The following SORCS1 variants were observed in gnomAD, a reference collection of about 807,000 sequenced individuals.
SORCS1 encodes the protein sortilin related VPS10 domain containing receptor 1, also known as VPS10 domain-containing receptor SorCS1.
In SORCS1, 60 loss-of-function variants were observed where a neutral mutation model predicts 146.1. The ratio of observed to expected loss-of-function variants is 0.41; its 90% CI spans 0.33 to 0.51. The LOEUF (loss-of-function observed/expected upper bound fraction) is 0.51. SORCS1 is among the 20% of genes least tolerant of loss of function. The pLI is 0.21. For missense variants in SORCS1, 1,352 were observed against 1,487.6 expected (o/e 0.91, Z 1.50); for synonymous variants, 637 against 584.0 (o/e 1.09, Z -1.31).
At chr10:106,940,273 A>G (rs1441334873) in intron 2 of SORCS1, among the ~76,000 whole-genome samples, 1 of 152,248 alleles carries the variant, frequency 6.6e-6, no homozygotes, top group African/African-American at 2.4e-5. Context: ...GACATGCTTT[A>G]TATGAATTAA....
chr10:107,146,382 T>C (rs1968325743), intron 1 of SORCS1, among the ~76,000 whole-genome samples: 2 of 152,196 alleles, frequency 1.3e-5, no homozygotes, highest in Admixed American at 1.3e-4. Context: ...TCTAAATGTT[T>C]TCAATTAACT....
chr10:106,930,616 G>A (rs962867124), intron 2 of SORCS1, among the ~76,000 whole-genome samples: 6 of 152,292 alleles, frequency 3.9e-5, no homozygotes, highest in African/African-American at 1.4e-4. Context: ...CACCAACACA[G>A]GAGGGCTTTA....
chr10:106,768,568 T>A (rs893255158), intron 4 of SORCS1, among the ~76,000 whole-genome samples: 5 of 152,216 alleles, frequency 3.3e-5, no homozygotes, highest in Non-Finnish European at 7.3e-5. Context: ...ATTTAATGGT[T>A]TTCTATTGTT....
At chr10:106,874,546 T>C (rs928173575) in intron 2 of SORCS1, among the ~76,000 whole-genome samples, 9 of 152,246 alleles carry the variant, frequency 5.9e-5, no homozygotes, top group African/African-American at 1.9e-4. Flanking sequence ...CCAATCTGAC[T>C]GTTGACATTT....
chr10:107,003,289 A>G (rs537794001), intron 1 of SORCS1, among the ~76,000 whole-genome samples: 1 of 152,264 alleles, frequency 6.6e-6, no homozygotes, highest in Admixed American at 6.5e-5. Context: ...TACAATAGGT[A>G]CTTAGCAGCA....
At chr10:107,151,091 A>C (rs1203661069) in intron 1 of SORCS1, among the ~76,000 whole-genome samples, 1 of 152,206 alleles carries the variant, frequency 6.6e-6, no homozygotes, top group East Asian at 1.9e-4. Flanking sequence ...GCTCAGAAGA[A>C]GACAGGAGGA....
chr10:106,818,930 GC>G (rs1348504904), intron 3 of SORCS1, among the ~76,000 whole-genome samples: 1 of 152,172 alleles, frequency 6.6e-6, no homozygotes, highest in African/African-American at 2.4e-5. Context: ...TAAGTACTGT[GC>G]TGTAAGAGAT....
intron 1 of SORCS1, among the ~76,000 whole-genome samples, chr10:106,971,670 T>C (rs1955791899): frequency 6.6e-6 from 1 of 152,214 alleles, no homozygotes; most frequent in African/African-American, 2.4e-5. Context: ...ATCCAAAGGT[T>C]TATTGATTTT....
intron 2 of SORCS1, among the ~76,000 whole-genome samples, chr10:106,881,494 A>C (rs1356884741): frequency 6.6e-6 from 1 of 152,208 alleles, no homozygotes; most frequent in African/African-American, 2.4e-5. Flanking sequence ...AAAAGCTTGC[A>C]TCCCATTATT....
intron 2 of SORCS1, among the ~76,000 whole-genome samples, chr10:106,913,827 T>C (rs1952281203): frequency 6.6e-6 from 1 of 152,232 alleles, no homozygotes; most frequent in Non-Finnish European, 1.5e-5. Context: ...ACTGGGCATC[T>C]GAGGGACAGG....
chr10:106,893,054 C>A (rs1159598114), intron 2 of SORCS1, among the ~76,000 whole-genome samples: 2 of 151,796 alleles, frequency 1.3e-5, no homozygotes, highest in Non-Finnish European at 2.9e-5. Context: ...GCCACCACGC[C>A]CAGCTAGTTT....
At chr10:106,634,553 T>C (rs1348204091) in intron 18 of SORCS1, among the ~76,000 whole-genome samples, 2 of 152,228 alleles carry the variant, frequency 1.3e-5, no homozygotes, top group South Asian at 4.1e-4. Flanking sequence ...TTCAGTTCTC[T>C]TTGAGTTTCT....
intron 3 of SORCS1, among the ~76,000 whole-genome samples, chr10:106,777,976 C>T (rs995777579): frequency 3.9e-5 from 6 of 152,132 alleles, no homozygotes; most frequent in Non-Finnish European, 8.8e-5. Flanking sequence ...GCTGAGGATG[C>T]TGCACTTCCA....
chr10:106,813,335 T>C (rs974101215), intron 3 of SORCS1, among the ~76,000 whole-genome samples: 2 of 151,890 alleles, frequency 1.3e-5, no homozygotes, highest in Admixed American at 1.3e-4. Flanking sequence ...GGTTTCACTA[T>C]GTTGGCCAGG....
At chr10:106,656,446 C>T (rs1230407880) in intron 17 of SORCS1, among the ~76,000 whole-genome samples, 34 of 152,250 alleles carry the variant, frequency 2.2e-4, no homozygotes, top group Non-Finnish European at 3.1e-4. Context: ...AGCTACTCTA[C>T]TCGGGAGGCT....
intron 1 of SORCS1, among the ~76,000 whole-genome samples, chr10:107,065,843 C>T (rs1283892838): frequency 2.6e-5 from 4 of 151,998 alleles, no homozygotes; most frequent in Non-Finnish European, 5.9e-5. Context: ...CATCCATAAT[C>T]CCATTTAATC....
chr10:107,104,854 G>C (rs1965194499), intron 1 of SORCS1, among the ~76,000 whole-genome samples: 1 of 152,194 alleles, frequency 6.6e-6, no homozygotes, highest in Non-Finnish European at 1.5e-5. Flanking sequence ...TGTTGCCAGA[G>C]GTAAGAAACA....
chr10:106,621,163 G>A lies in SORCS1; in HGVS notation c.2663-602C>T, dbSNP rs779860828. ...TGTGTAAGTAGATAGAGAGCTCTGT[G>A]GTTCTCAGAAGATGCTCACCTAAAA... On this transcript the variant is annotated intron_variant, in intron 19 of 25. Coordinates refer to ENST00000263054, the MANE Select transcript of SORCS1 (RefSeq NM_052918.5). 2.0e-3 allele frequency among the ~76,000 whole-genome samples: 298 copies of A among 152,244 alleles called. 4 individuals are homozygous for A. Among genetic ancestry groups the A allele is most frequent in the Admixed American group, 4.3e-3 (66 of 15,302 alleles).
chr10:106,967,776 T>A (rs1358809758), intron 1 of SORCS1, among the ~76,000 whole-genome samples: 2 of 152,176 alleles, frequency 1.3e-5, no homozygotes, highest in Admixed American at 1.3e-4. Context: ...TTTAAGCTAG[T>A]ACCTACTCAA....
Sources: gnomAD v4.1 joint callset for allele counts (sites outside exome capture counted in the v4.1 genomes callset) on GRCh38, gnomAD v4.1.1 for gene constraint, MANE v1.5 for transcripts, NCBI Gene and HGNC (gene_info 2026-07-23, HGNC 2026-07-21) for gene names.